Variants in BCAS4 observed in about 807,000 individuals in gnomAD.
BCAS4 encodes breast carcinoma amplified sequence 4, also known as breast carcinoma-amplified sequence 4.
BCAS4 carries 9 observed loss-of-function variants against 15.7 expected under a neutral mutation model. The observed-to-expected ratio is 0.57, with a 90% CI of 0.34 to 1.00. BCAS4 has a LOEUF of 1.00. Among genes scored for constraint, BCAS4 ranks in the 50% least tolerant of loss-of-function variants. BCAS4 has a pLI of 0.02. For missense variants in BCAS4, 225 were observed against 239.1 expected, an observed-to-expected ratio of 0.94 and a Z score of 0.39; for synonymous variants, 101 against 99.5, an observed-to-expected ratio of 1.02 and a Z score of -0.09.
chr20:50,819,028 C>T (rs1218905306), intron 2 of BCAS4, among the ~76,000 whole-genome samples: 2 of 152,060 alleles, frequency 1.3e-5, no homozygotes, highest in Non-Finnish European at 2.9e-5. Context: ...ACCAAAAATA[C>T]AAAAATTAGC....
chr20:50,859,310 C>T (rs556707994), intron 4 of BCAS4, among the ~76,000 whole-genome samples: 45 of 152,108 alleles, frequency 3.0e-4, no homozygotes, highest in Non-Finnish European at 4.7e-4. Flanking sequence ...TGTGGAGGGC[C>T]GACTGCACTT....
At chr20:50,872,891 C>T (rs1224715658) in intron 4 of BCAS4, among the ~76,000 whole-genome samples, 1 of 152,216 alleles carries the variant, frequency 6.6e-6, no homozygotes, top group Admixed American at 6.5e-5. Context: ...AGGCCAGTGG[C>T]CCTCCTGAAA....
chr20:50,812,018 A>G (rs1398377664), intron 1 of BCAS4, among the ~76,000 whole-genome samples: 4 of 152,192 alleles, frequency 2.6e-5, no homozygotes, highest in Non-Finnish European at 5.9e-5. Context: ...TCCATGTTGT[A>G]GTGTGTGCTG....
At chr20:50,857,751 C>T (rs775968720) in intron 4 of BCAS4, among the ~76,000 whole-genome samples, 4 of 152,196 alleles carry the variant, frequency 2.6e-5, no homozygotes, top group Middle Eastern at 3.2e-3. Flanking sequence ...ACATGAGTCT[C>T]ACTGAGGGAA....
chr20:50,864,411 C>G (rs2123840661), intron 4 of BCAS4, among the ~76,000 whole-genome samples: 1 of 150,562 alleles, frequency 6.6e-6, no homozygotes, highest in African/African-American at 2.5e-5. Flanking sequence ...GGGGGAGCTG[C>G]TATTGTCCTT....
At chr20:50,874,544 G>T (rs924748142) in intron 4 of BCAS4, among the ~76,000 whole-genome samples, 1 of 152,226 alleles carries the variant, frequency 6.6e-6, no homozygotes, top group Non-Finnish European at 1.5e-5. Context: ...TCCCCACTAA[G>T]TGCCATGCCC....
In BCAS4 at chr20:50,854,614, AGCCTGCAGTCCTGAG is replaced by A. The variant is rs1484223673; in HGVS notation, c.399+12715_399+12729del. The stretch of plus-strand genomic sequence containing the variant: ...GTGTCCCCAGGCTGCCTGGCTCCAG[AGCCTGCAGTCCTGAG>A]CTCCAGGCTGCCTGAAGGGATTCAC... On this transcript the variant is annotated intron_variant, in intron 4 of 4. Coordinates refer to ENST00000371608, the MANE Select transcript of BCAS4 (RefSeq NM_198799.4). Among the ~76,000 whole-genome samples the A allele has an allele frequency of 4.6e-5, 7 of 152,228 alleles. No homozygotes were observed. In the East Asian group the frequency reaches 1.4e-3, roughly 29 times the overall value.
intron 3 of BCAS4, among the ~76,000 whole-genome samples, chr20:50,839,779 T>A (rs1409644859): frequency 6.6e-6 from 1 of 152,148 alleles, no homozygotes; most frequent in Non-Finnish European, 1.5e-5. Flanking sequence ...GTGCTGGGAT[T>A]ATAGGCATGA....
rs149125151 is a variant in BCAS4 at position 50,840,809 on chromosome 20, T to C, written c.265-957T>C. The stretch of plus-strand genomic sequence containing the variant: ...AACGAGCGAAGTCTGGTCTGCGTAG[T>C]GGCCACCACTGAGTTGTCCAATTTT... On this transcript the variant is annotated intron_variant, in intron 3 of 4. Transcript: ENST00000371608. 1.8e-3 allele frequency: 1,976 copies of C among 1,111,290 alleles called. 34 individuals are homozygous for C. In the African/African-American group the frequency reaches 0.028, roughly 16 times the overall value. 68.8% of individuals were successfully genotyped at this position (1,111,290 alleles called of 1,614,324 possible).
At chr20:50,862,073 G>C (rs1244688413) in intron 4 of BCAS4, among the ~76,000 whole-genome samples, 1 of 151,392 alleles carries the variant, frequency 6.6e-6, no homozygotes, top group African/African-American at 2.4e-5. Context: ...GTGTTGCCCG[G>C]CTGGATTCTT....
intron 3 of BCAS4, among the ~76,000 whole-genome samples, chr20:50,834,400 A>G (rs540503610): frequency 1.7e-4 from 25 of 147,196 alleles, no homozygotes; most frequent in Non-Finnish European, 3.1e-4. Flanking sequence ...GGTTCGAGCG[A>G]TTCTCCTGCC....
intron 4 of BCAS4, among the ~76,000 whole-genome samples, chr20:50,865,683 C>T (rs1324616979): frequency 6.6e-6 from 1 of 152,196 alleles, no homozygotes; most frequent in African/African-American, 2.4e-5. Flanking sequence ...CCTCGGCAGC[C>T]TCCCATGTCC....
At chr20:50,823,627 G>C (rs1269141667) in intron 2 of BCAS4, among the ~76,000 whole-genome samples, 2 of 152,150 alleles carry the variant, frequency 1.3e-5, no homozygotes, top group Non-Finnish European at 2.9e-5. Flanking sequence ...TTTGAGACCA[G>C]CCTGGGCAAC....
At chr20:50,863,319 G>A (rs947773228) in intron 4 of BCAS4, among the ~76,000 whole-genome samples, 23 of 141,666 alleles carry the variant, frequency 1.6e-4, no homozygotes, top group Admixed American at 1.6e-3. Context: ...GTACAGTGGT[G>A]CAGTCTTGGC....
At chr20:50,800,814 G>A (rs953224230) in intron 1 of BCAS4, among the ~76,000 whole-genome samples, 9 of 151,968 alleles carry the variant, frequency 5.9e-5, no homozygotes, top group Admixed American at 1.3e-4. Flanking sequence ...CACCTGCCTC[G>A]GCCTCCCAAA....
In BCAS4 at chr20:50,876,599, G is replaced by T; in HGVS notation, c.513G>T (p.Arg171=). Residue 171 remains arginine (R), a synonymous_variant, in exon 5 of 5, where the codon CGG becomes CGT. Transcript: ENST00000371608. Reference sequence around the variant, plus strand: ...AGCACCACCCCCGCACCTGCCCTCGGCCTTTGTGAGCTTTGTGGTCTTCCC... The same window carrying T: ...AGCACCACCCCCGCACCTGCCCTCGTCCTTTGTGAGCTTTGTGGTCTTCCC... ...EAQHHPRTCP[R]PL 1 of 1,613,946 alleles carries T rather than the reference G, an allele frequency of 6.2e-7. No individual in the cohort carries two copies. The highest frequency in any genetic ancestry group is 1.7e-5 in the Admixed American group (1 of 60,002).
intron 1 of BCAS4, among the ~76,000 whole-genome samples, chr20:50,805,878 G>C (rs1202074825): frequency 6.6e-6 from 1 of 151,902 alleles, no homozygotes; most frequent in Non-Finnish European, 1.5e-5. Context: ...AGGAGGCTCT[G>C]AGGTAGGAAA....
intron 1 of BCAS4, among the ~76,000 whole-genome samples, chr20:50,812,671 C>A (rs1485963930): frequency 6.6e-6 from 1 of 152,010 alleles, no homozygotes; most frequent in Non-Finnish European, 1.5e-5. Flanking sequence ...AACTCCTGAC[C>A]TCAAGTGACC....
intron 3 of BCAS4, among the ~76,000 whole-genome samples, chr20:50,831,403 ACT>A (rs1412681672): frequency 7.3e-5 from 11 of 151,402 alleles, no homozygotes; most frequent in Non-Finnish European, 1.6e-4. Context: ...ACAGAGCAAG[ACT>A]CTGTCTCAAA....
Sources: gnomAD v4.1 joint callset for allele counts (sites outside exome capture counted in the v4.1 genomes callset) on GRCh38, gnomAD v4.1.1 for gene constraint, MANE v1.5 for transcripts, NCBI Gene and HGNC (gene_info 2026-07-23, HGNC 2026-07-21) for gene names.